CALN1: variants seen among roughly 807,000 people sequenced by gnomAD.
CALN1 encodes calcium-binding protein 8.
In CALN1, 17 loss-of-function variants were observed where a neutral mutation model predicts 30.6. That is an observed-to-expected ratio of 0.56 (90% CI 0.38 to 0.83). CALN1 has a LOEUF of 0.83. Among genes scored for constraint, CALN1 ranks in the 40% least tolerant of loss-of-function variants. The probability of loss-of-function intolerance (pLI) is 0.00; values close to 1 mark genes in which losing one functional copy is unlikely to be tolerated. For synonymous variants in CALN1, 156 were observed against 131.4 expected (o/e 1.19, Z -1.28); for missense variants, 291 against 354.9 (o/e 0.82, Z 1.45).
the CALN1 span, among the ~76,000 whole-genome samples, chr7:72,467,075 C>T: frequency 6.6e-6 from 1 of 152,088 alleles, no homozygotes; most frequent in African/African-American, 2.4e-5. Flanking sequence ...CCATTACCCC[C>T]AGAGAACAGT....
chr7:71,924,952 T>C (rs1584524097), intron 5 of CALN1, among the ~76,000 whole-genome samples: 1 of 152,110 alleles, frequency 6.6e-6, no homozygotes, highest in Non-Finnish European at 1.5e-5. Flanking sequence ...TACAATGAAA[T>C]AAATTTGGCC....
At chr7:71,931,793 ATTATCT>A (rs1411958345) in intron 5 of CALN1, among the ~76,000 whole-genome samples, 7 of 152,202 alleles carry the variant, frequency 4.6e-5, no homozygotes, top group Non-Finnish European at 1.0e-4. Flanking sequence ...GGAATTACAG[ATTATCT>A]TAATCAATAA....
intron 5 of CALN1, among the ~76,000 whole-genome samples, chr7:71,944,268 G>A (rs1796285572): frequency 6.6e-6 from 1 of 152,050 alleles, no homozygotes; most frequent in East Asian, 1.9e-4. Flanking sequence ...GCAACATGGT[G>A]GGACCCCATC....
At chr7:72,455,319 ATATGTGTGTGTGTGTGTG>A in the CALN1 span, among the ~76,000 whole-genome samples, 1 of 132,376 alleles carries the variant, frequency 7.6e-6, no homozygotes, top group South Asian at 2.6e-4. Flanking sequence ...ATATATATAT[ATATGTGTGTGTGTGTGTG>A]TGTGTGTGTG....
intron 3 of CALN1, among the ~76,000 whole-genome samples, chr7:72,151,003 T>C (rs981769540): frequency 6.6e-6 from 1 of 152,108 alleles, no homozygotes; most frequent in Non-Finnish European, 1.5e-5. Context: ...TTATCACCCT[T>C]GGCCCTCACA....
At chr7:72,428,052 C>T (rs1283926449) in intron 1 of CALN1, among the ~76,000 whole-genome samples, 1 of 152,186 alleles carries the variant, frequency 6.6e-6, no homozygotes, top group Non-Finnish European at 1.5e-5. Context: ...AGCCTCAGCT[C>T]AATGTCCCTT....
At chr7:71,827,783 T>TAAATAAAC (rs1789013474) in intron 5 of CALN1, among the ~76,000 whole-genome samples, 1 of 145,658 alleles carries the variant, frequency 6.9e-6, no homozygotes, top group Non-Finnish European at 1.5e-5. Flanking sequence ...AAAAAATAAA[T>TAAATAAAC]AAATAAATAA....
At chr7:72,358,515 T>C (rs1279646474) in intron 2 of CALN1, among the ~76,000 whole-genome samples, 1 of 152,162 alleles carries the variant, frequency 6.6e-6, no homozygotes, top group African/African-American at 2.4e-5. Context: ...AAGTGGTACA[T>C]GTCCTAATTC....
intron 5 of CALN1, among the ~76,000 whole-genome samples, chr7:71,825,211 G>T (rs1401913775): frequency 1.3e-5 from 2 of 152,148 alleles, no homozygotes; most frequent in Non-Finnish European, 2.9e-5. Flanking sequence ...AGTCTGACTG[G>T]TATGGTTTGG....
intron 2 of CALN1, among the ~76,000 whole-genome samples, chr7:72,377,553 G>A (rs562228144): frequency 9.9e-5 from 15 of 151,760 alleles, no homozygotes; most frequent in South Asian, 6.2e-4. Flanking sequence ...AAATTAGATC[G>A]CCCTTGCTTA....
chr7:72,151,206 T>C (rs993849931), intron 3 of CALN1, among the ~76,000 whole-genome samples: 7 of 152,176 alleles, frequency 4.6e-5, no homozygotes, highest in African/African-American at 1.4e-4. Context: ...GTAGGGTTGG[T>C]GCCCTCCAAG....
chr7:71,956,532 G>A (rs1474176159), intron 5 of CALN1, among the ~76,000 whole-genome samples: 1 of 141,890 alleles, frequency 7.0e-6, no homozygotes, highest in South Asian at 2.3e-4. Flanking sequence ...TCGTTATGTT[G>A]CCCAGGCTGA....
At chr7:72,225,016 T>C (rs1554329547) in intron 3 of CALN1, among the ~76,000 whole-genome samples, 1 of 151,494 alleles carries the variant, frequency 6.6e-6, no homozygotes. Context: ...GAGAACGGCA[T>C]GCATGAACCC....
intron 3 of CALN1, among the ~76,000 whole-genome samples, chr7:72,174,955 C>T (rs1008254484): frequency 2.7e-5 from 4 of 147,112 alleles, no homozygotes; most frequent in Admixed American, 2.0e-4. Context: ...CGGAGTCTCG[C>T]TCTGTCTTTG....
At chr7:71,968,083 T>G (rs1034315731) in intron 5 of CALN1, among the ~76,000 whole-genome samples, 1 of 152,162 alleles carries the variant, frequency 6.6e-6, no homozygotes, top group Non-Finnish European at 1.5e-5. Context: ...TGCCTGTACA[T>G]GAATATTTAT....
At chr7:71,981,636 G>A (rs1261555227) in intron 5 of CALN1, among the ~76,000 whole-genome samples, 5 of 151,390 alleles carry the variant, frequency 3.3e-5, no homozygotes, top group African/African-American at 9.7e-5. Flanking sequence ...CAGCTTGAGC[G>A]ACAGAGCGAG....
chr7:72,500,375 G>T, the CALN1 span, among the ~76,000 whole-genome samples: 1 of 137,776 alleles, frequency 7.3e-6, no homozygotes, highest in South Asian at 2.3e-4. Flanking sequence ...CCGCCTCCCG[G>T]GTTCAAGCAA....
At chr7:71,835,857 C>T (rs1310848862) in intron 5 of CALN1, among the ~76,000 whole-genome samples, 2 of 152,118 alleles carry the variant, frequency 1.3e-5, no homozygotes, top group Non-Finnish European at 2.9e-5. Flanking sequence ...CTTTTGTCCT[C>T]GTGAATCATT....
intron 5 of CALN1, among the ~76,000 whole-genome samples, chr7:71,960,134 AAAATAAATAAATAAATAAATAAATAAAT>A (rs71092940): frequency 2.9e-5 from 4 of 135,882 alleles, no homozygotes; most frequent in South Asian, 2.4e-4. Context: ...CTCCATCTCA[AAAATAAATAAATAAATAAATAAATAAAT>A]AAATAAATAA....
Sources: gnomAD v4.1 joint callset for allele counts (sites outside exome capture counted in the v4.1 genomes callset) on GRCh38, gnomAD v4.1.1 for gene constraint, MANE v1.5 for transcripts, NCBI Gene and HGNC (gene_info 2026-07-23, HGNC 2026-07-21) for gene names.